LANCL2: variants seen among roughly 807,000 people sequenced by gnomAD.
LANCL2 encodes the protein lanC-like protein 2.
Under a neutral mutation model 56.9 loss-of-function variants are expected in LANCL2, and 33 were observed. The observed-to-expected ratio is 0.58, with a 90% CI of 0.44 to 0.78. LANCL2 has a LOEUF of 0.78. Ranked by LOEUF, LANCL2 falls within the 30% of genes least tolerant of loss-of-function variation. The probability of loss-of-function intolerance (pLI) is 0.00; values close to 1 mark genes in which losing one functional copy is unlikely to be tolerated. For synonymous variants in LANCL2, 233 were observed against 228.2 expected (o/e 1.02, Z -0.19); for missense variants, 562 against 580.2 (o/e 0.97, Z 0.32).
At chr7:55,403,269 C>T (rs1329149016) in intron 5 of LANCL2, among the ~76,000 whole-genome samples, 13 of 152,344 alleles carry the variant, frequency 8.5e-5, no homozygotes, top group East Asian at 3.9e-4. Context: ...AGCGAAACCC[C>T]GTCTCCACCA....
intron 1 of LANCL2, among the ~76,000 whole-genome samples, chr7:55,380,542 C>T (rs1790055000): frequency 6.6e-6 from 1 of 152,062 alleles, no homozygotes; most frequent in Non-Finnish European, 1.5e-5. Flanking sequence ...AAAGCAACTA[C>T]TCAAAGGCAC....
intron 6 of LANCL2, among the ~76,000 whole-genome samples, chr7:55,414,865 T>TC (rs1790508596): frequency 6.6e-6 from 1 of 150,804 alleles, no homozygotes; most frequent in South Asian, 2.1e-4. Context: ...GCACCTGTAG[T>TC]CCCAGGTACC....
chr7:55,406,751 A>G lies in LANCL2; in HGVS notation c.826-5156A>G, dbSNP rs185574006. ...TTAAAAAGAACTCCACTTTCATGAT[A>G]GCAGAATAAAAACAGTTCGCCTCTT... On this transcript the variant is annotated intron_variant, in intron 5 of 8. Transcript: ENST00000254770. 3.5e-4 allele frequency among the ~76,000 whole-genome samples: 54 copies of G among 152,380 alleles called. 2 individuals are homozygous for G. In the Middle Eastern group the frequency reaches 0.027, roughly 77 times the overall value.
intron 5 of LANCL2, among the ~76,000 whole-genome samples, chr7:55,403,173 G>A (rs1286068080): frequency 6.6e-5 from 10 of 152,276 alleles, no homozygotes; most frequent in African/African-American, 1.2e-4. Flanking sequence ...GAGTGAACGC[G>A]ACTCCGTCTG....
At chr7:55,406,326 C>A (rs535847429) in intron 5 of LANCL2, among the ~76,000 whole-genome samples, 8 of 152,190 alleles carry the variant, frequency 5.3e-5, no homozygotes, top group African/African-American at 1.4e-4. Context: ...CTGGCCAGAG[C>A]GTCCCTGGTG....
intron 1 of LANCL2, among the ~76,000 whole-genome samples, chr7:55,370,400 G>GT (rs1467815212): frequency 6.6e-6 from 1 of 152,212 alleles, no homozygotes; most frequent in African/African-American, 2.4e-5. Flanking sequence ...CCACGCTCAA[G>GT]TGGAGGGGTT....
At chr7:55,411,614 A>T (rs1562867119) in intron 5 of LANCL2, among the ~76,000 whole-genome samples, 1 of 152,188 alleles carries the variant, frequency 6.6e-6, no homozygotes, top group African/African-American at 2.4e-5. Context: ...AAAGCAACAA[A>T]ACAAAACCTA....
chr7:55,407,241 A>T (rs564842160), intron 5 of LANCL2, among the ~76,000 whole-genome samples: 1 of 152,262 alleles, frequency 6.6e-6, no homozygotes, highest in South Asian at 2.1e-4. Context: ...TGAAGCACAG[A>T]ACTAAAAATA....
intron 1 of LANCL2, among the ~76,000 whole-genome samples, chr7:55,370,271 TATGC>T (rs1789928511): frequency 6.6e-6 from 1 of 152,150 alleles, no homozygotes; most frequent in Non-Finnish European, 1.5e-5. Context: ...AAGAGAAAAG[TATGC>T]AAGAGCACCC....
In LANCL2 at chr7:55,398,602, G is replaced by A. The variant is rs749285166; in HGVS notation, c.502G>A (p.Asp168Asn). The change falls in exon 3 of 9, where the codon GAC (aspartate) becomes AAC (asparagine). Residue 168 changes from aspartate (D) to asparagine (N), a missense_variant. Physicochemically the swap from Asp to Asn is conservative, Grantham distance 23. Coordinates refer to ENST00000254770, the MANE Select transcript of LANCL2 (RefSeq NM_018697.4). ...TGTGATTTATCACAAACTCAGAAGT[G>A]ACTGTGAGTCCCAGGAATGTGTCAC... Reference protein sequence around the residue: ...GAVIYHKLRSDCESQECVTKL... With the variant: ...GAVIYHKLRSNCESQECVTKL... The A allele has an allele frequency of 1.2e-6, 2 of 1,613,706 alleles. No individual in the cohort carries two copies. The highest frequency in any genetic ancestry group is 2.2e-5 in the South Asian group (2 of 91,040).
chr7:55,411,068 T>C (rs1032802494), intron 5 of LANCL2, among the ~76,000 whole-genome samples: 1 of 152,192 alleles, frequency 6.6e-6, no homozygotes, highest in African/African-American at 2.4e-5. Flanking sequence ...CCCAAAGACA[T>C]TGTGTGGCAT....
At chr7:55,384,006 T>A (rs1219899447) in intron 1 of LANCL2, among the ~76,000 whole-genome samples, 1 of 152,078 alleles carries the variant, frequency 6.6e-6, no homozygotes, top group East Asian at 1.9e-4. Flanking sequence ...AGGAGTGGTT[T>A]CAAGACAGAG....
intron 5 of LANCL2, among the ~76,000 whole-genome samples, chr7:55,401,550 C>CTTTTTTTT (rs58797958): frequency 1.9e-5 from 1 of 51,310 alleles, no homozygotes; most frequent in Non-Finnish European, 3.2e-5. Context: ...TTCCAATTTT[C>CTTTTTTTT]TTTTTTTTTT....
intron 6 of LANCL2, among the ~76,000 whole-genome samples, chr7:55,419,645 G>C (rs139740341): frequency 6.6e-6 from 1 of 151,900 alleles, no homozygotes; most frequent in Non-Finnish European, 1.5e-5. Context: ...CAGGTGATCC[G>C]CCTGCTTCGG....
chr7:55,404,274 A>G (rs980356068), intron 5 of LANCL2, among the ~76,000 whole-genome samples: 2 of 150,952 alleles, frequency 1.3e-5, no homozygotes, highest in African/African-American at 2.4e-5. Context: ...TCCCTCCTCT[A>G]CCTTTCTTCC....
intron 2 of LANCL2, among the ~76,000 whole-genome samples, chr7:55,396,598 C>T (rs1456516024): frequency 2.0e-5 from 3 of 152,228 alleles, no homozygotes; most frequent in South Asian, 2.1e-4. Flanking sequence ...TGCTCACAGG[C>T]GCGTGCTCCC....
chr7:55,425,365 G>A lies in LANCL2; in HGVS notation c.1120G>A (p.Gly374Ser), dbSNP rs753102544. The change falls in exon 7 of 9, where the codon GGC (glycine) becomes AGC (serine). Residue 374 changes from glycine (G) to serine (S), a missense_variant. Gly to Ser is a moderately conservative substitution (Grantham distance 56). This residue lies in a region of LANCL2 where 378 missense variants were observed against 468.4 expected (regional missense o/e 0.81). Transcript: ENST00000254770. ...YGICHGTAGN[G>S]YSFLSLYRLT... ...GATATGCCATGGGACTGCTGGCAAC[G>A]GCTATTCCTTCCTGTCCCTTTACCG... 5.0e-6 allele frequency: 8 copies of A among 1,614,042 alleles called. No homozygotes were observed. Among genetic ancestry groups the A allele is most frequent in the East Asian group, 2.2e-5 (1 of 44,892 alleles).
At chr7:55,376,543 C>A (rs1335033827) in intron 1 of LANCL2, among the ~76,000 whole-genome samples, 6 of 152,210 alleles carry the variant, frequency 3.9e-5, no homozygotes, top group African/African-American at 1.4e-4. Flanking sequence ...TCATCGATGC[C>A]TTTCCATCCC....
Position 55,412,143 on chromosome 7 carries a change from G to C in LANCL2, c.1008+54G>C, listed in dbSNP as rs114311098. ...CCTGTGTGGGGAGCCAGGTTTCCCT[G>C]TCAGGTTTTGGGTCTTGCTTTGGTA... On this transcript the variant is annotated intron_variant, in intron 6 of 8. Transcript: ENST00000254770. The C allele has an allele frequency of 2.2e-3, 3,448 of 1,549,848 alleles. 68 individuals carry two copies. The African/African-American group carries it at 0.04, about 18-fold the overall frequency.
Sources: gnomAD v4.1 joint callset for allele counts (sites outside exome capture counted in the v4.1 genomes callset) on GRCh38, gnomAD v4.1.1 for gene constraint, gnomAD v4.1.1 regional missense constraint, MANE v1.5 for transcripts, NCBI Gene and HGNC (gene_info 2026-07-23, HGNC 2026-07-21) for gene names.